The following ERBB4 variants were observed in gnomAD, a reference collection of about 807,000 sequenced individuals.
ERBB4 encodes the protein receptor tyrosine-protein kinase erbB-4.
Under a neutral mutation model 158.0 loss-of-function variants are expected in ERBB4, and 42 were observed. The observed-to-expected ratio is 0.27, with a 90% CI of 0.21 to 0.34. ERBB4 has a LOEUF of 0.34. ERBB4 is among the 10% of genes least tolerant of loss of function. The pLI, the probability that ERBB4 is intolerant of heterozygous loss-of-function variation, is 1.00. For missense variants in ERBB4, 1,333 were observed against 1,624.1 expected (o/e 0.82, Z 3.08); for synonymous variants, 583 against 558.7 (o/e 1.04, Z -0.61).
chr2:212,350,404 A>C (rs1482501906), intron 1 of ERBB4, among the ~76,000 whole-genome samples: 1 of 152,156 alleles, frequency 6.6e-6, no homozygotes, highest in Non-Finnish European at 1.5e-5. Context: ...ATATTGCATG[A>C]GATGAATTCC....
At chr2:211,673,796 T>C (rs1436248297) in intron 13 of ERBB4, among the ~76,000 whole-genome samples, 1 of 152,122 alleles carries the variant, frequency 6.6e-6, no homozygotes, top group Non-Finnish European at 1.5e-5. Flanking sequence ...AATATCTGCC[T>C]TGGAGAATTA....
chr2:212,200,372 C>T (rs2082556729), intron 1 of ERBB4, among the ~76,000 whole-genome samples: 1 of 151,944 alleles, frequency 6.6e-6, no homozygotes, highest in South Asian at 2.1e-4. Flanking sequence ...CATCTTTAGA[C>T]AAAATATTTA....
intron 9 of ERBB4, among the ~76,000 whole-genome samples, chr2:211,706,163 A>C (rs1309871208): frequency 6.6e-6 from 1 of 152,134 alleles, no homozygotes; most frequent in African/African-American, 2.4e-5. Flanking sequence ...AGAGAGATTA[A>C]ATTTTATCCA....
chr2:212,367,392 A>G (rs1045336080), intron 1 of ERBB4, among the ~76,000 whole-genome samples: 1 of 152,056 alleles, frequency 6.6e-6, no homozygotes, highest in African/African-American at 2.4e-5. Context: ...CACACGTAGG[A>G]GAATGATACT....
At chr2:211,443,679 A>G (rs906729702) in intron 20 of ERBB4, among the ~76,000 whole-genome samples, 1 of 152,090 alleles carries the variant, frequency 6.6e-6, no homozygotes, top group Non-Finnish European at 1.5e-5. Context: ...CTGGGACAAG[A>G]CTTCCCAAAC....
chr2:211,847,840 A>G (rs1166492734), intron 3 of ERBB4, among the ~76,000 whole-genome samples: 3 of 152,116 alleles, frequency 2.0e-5, no homozygotes, highest in Non-Finnish European at 1.5e-5. Flanking sequence ...AATTTTCATA[A>G]TAGCGTGATG....
intron 3 of ERBB4, among the ~76,000 whole-genome samples, chr2:211,872,758 C>G (rs550928566): frequency 6.6e-6 from 1 of 151,998 alleles, no homozygotes; most frequent in South Asian, 2.1e-4. Flanking sequence ...ACAATTTTAT[C>G]GTAAGTAAAA....
At chr2:211,829,197 T>C (rs574789091) in intron 3 of ERBB4, among the ~76,000 whole-genome samples, 14 of 152,202 alleles carry the variant, frequency 9.2e-5, no homozygotes, top group Non-Finnish European at 1.6e-4. Flanking sequence ...AACCCGTCCC[T>C]ATGCCTTCTC....
At chr2:211,877,492 A>C (rs1304850099) in intron 3 of ERBB4, among the ~76,000 whole-genome samples, 4 of 152,086 alleles carry the variant, frequency 2.6e-5, no homozygotes, top group Admixed American at 2.0e-4. Context: ...TCTCACTATA[A>C]TCTATTATTC....
chr2:212,494,796 A>G (rs533727514), intron 1 of ERBB4, among the ~76,000 whole-genome samples: 26 of 152,202 alleles, frequency 1.7e-4, no homozygotes, highest in Non-Finnish European at 3.5e-4. Flanking sequence ...CATTTTCTAG[A>G]AATTAATGGC....
intron 12 of ERBB4, among the ~76,000 whole-genome samples, chr2:211,694,777 A>G (rs1018859575): frequency 6.6e-6 from 1 of 152,116 alleles, no homozygotes; most frequent in Admixed American, 6.5e-5. Flanking sequence ...CCCAGACCCA[A>G]AGGATGATTC....
chr2:211,737,088 G>C (rs904508899), intron 5 of ERBB4, among the ~76,000 whole-genome samples: 2 of 152,068 alleles, frequency 1.3e-5, no homozygotes. Context: ...GGAAATATAA[G>C]TAACTACAGA....
At chr2:212,135,613 C>T (rs13394886) in intron 1 of ERBB4, among the ~76,000 whole-genome samples, 1,568 of 152,184 alleles carry the variant, frequency 0.01, 19 homozygotes, top group African/African-American at 0.036. Flanking sequence ...ACATTTCTGT[C>T]ATCTATACAT....
intron 12 of ERBB4, among the ~76,000 whole-genome samples, chr2:211,681,771 T>C (rs1337325215): frequency 2.0e-5 from 3 of 152,180 alleles, no homozygotes; most frequent in Non-Finnish European, 4.4e-5. Flanking sequence ...CTCCCAATTT[T>C]AGCCATGTCT....
chr2:211,621,208 C>A (rs1021135125), intron 18 of ERBB4, among the ~76,000 whole-genome samples: 3 of 150,586 alleles, frequency 2.0e-5, no homozygotes, highest in Admixed American at 2.0e-4. Context: ...TTAAATTATT[C>A]TTTTTTTTTC....
rs201470247 is a variant in ERBB4 at position 211,680,848 on chromosome 2, TGCA to T, written c.1490-1667_1490-1665del. 9.5e-3 allele frequency among the ~76,000 whole-genome samples: 1,445 copies of T among 152,324 alleles called. 19 individuals carry two copies. The highest frequency in any genetic ancestry group is 0.041 in the South Asian group (200 of 4,830). ...AAATGTGTGTGTATCTGTGTCTGTG[TGCA>T]GCAGTTTTATTGAAGTATACATAGC... On this transcript the variant is annotated intron_variant, in intron 12 of 27. Transcript: ENST00000342788.
intron 7 of ERBB4, among the ~76,000 whole-genome samples, chr2:211,715,966 CAGTT>C (rs1399992717): frequency 6.6e-6 from 1 of 152,170 alleles, no homozygotes; most frequent in Non-Finnish European, 1.5e-5. Context: ...AGTCTTATAT[CAGTT>C]AGATTCAAGT....
chr2:211,550,371 T>C (rs975899659), intron 20 of ERBB4, among the ~76,000 whole-genome samples: 2 of 151,356 alleles, frequency 1.3e-5, no homozygotes, highest in Non-Finnish European at 1.5e-5. Context: ...AATTCTAATT[T>C]AGAAAAAAAA....
chr2:212,226,675 A>C lies in ERBB4; in HGVS notation c.83-101772T>G, dbSNP rs892828605. On this transcript the variant is annotated intron_variant, in intron 1 of 27. Coordinates refer to ENST00000342788, the MANE Select transcript of ERBB4 (RefSeq NM_005235.3). ...ATCTAAATACCCTCAGAGATATGTC[A>C]TATTAGTCTATGTTATATAGAACAT... Among the ~76,000 whole-genome samples the C allele has an allele frequency of 2.6e-5, 4 of 152,296 alleles. No homozygotes were observed. In the East Asian group the frequency reaches 5.8e-4, roughly 22 times the overall value.
Sources: gnomAD v4.1 joint callset for allele counts (sites outside exome capture counted in the v4.1 genomes callset) on GRCh38, gnomAD v4.1.1 for gene constraint, MANE v1.5 for transcripts, NCBI Gene and HGNC (gene_info 2026-07-23, HGNC 2026-07-21) for gene names.